MAPDA: variants seen among roughly 807,000 people sequenced by gnomAD.
MAPDA encodes N6-Methyl-AMP deaminase.
At chr15:43,353,500 C>T in the MAPDA span, 1 of 152,104 alleles carries the variant, frequency 6.6e-6, no homozygotes, top group Non-Finnish European at 1.5e-5. Context: ...GCATACTGCT[C>T]CTAAAATCCT....
At chr15:43,347,306 G>C in the MAPDA span, among the ~76,000 whole-genome samples, 1 of 152,218 alleles carries the variant, frequency 6.6e-6, no homozygotes, top group Non-Finnish European at 1.5e-5. Context: ...GGGAGTGGCT[G>C]TTGACTCAAA....
the MAPDA span, chr15:43,346,032 G>T: frequency 1.2e-6 from 2 of 1,607,466 alleles, no homozygotes; most frequent in African/African-American, 2.7e-5. Context: ...GAATCAGTGG[G>T]ATAAGGACTA....
the MAPDA span, chr15:43,336,539 T>A: frequency 1.0e-6 from 1 of 980,402 alleles, no homozygotes; most frequent in Admixed American, 3.4e-5. Context: ...TAAATATATA[T>A]TTACTATTAG....
At chr15:43,330,584 C>T in the MAPDA span, 2 of 1,386,366 alleles carry the variant, frequency 1.4e-6, no homozygotes, top group African/African-American at 1.5e-5. Flanking sequence ...GGAAAAAAAC[C>T]ACCCATGCTC....
At chr15:43,352,164 T>C in the MAPDA span, 1 of 396,438 alleles carries the variant, frequency 2.5e-6, no homozygotes, top group Non-Finnish European at 4.4e-6. Flanking sequence ...CTGTTGTTGC[T>C]AATTAAATCC....
At chr15:43,343,661 A>G in the MAPDA span, among the ~76,000 whole-genome samples, 1 of 152,028 alleles carries the variant, frequency 6.6e-6, no homozygotes, top group Non-Finnish European at 1.5e-5. Context: ...CAAGATTAGG[A>G]ATTATCTTGT....
chr15:43,344,879 T>C, the MAPDA span, among the ~76,000 whole-genome samples: 18 of 152,022 alleles, frequency 1.2e-4, no homozygotes, highest in Admixed American at 1.2e-3. Flanking sequence ...CAGCTGATAT[T>C]TGAGGAATGA....
chr15:43,349,218 A>C, the MAPDA span: 2 of 1,415,374 alleles, frequency 1.4e-6, no homozygotes. Flanking sequence ...TTTAGCTTCC[A>C]TTAGAATATA....
chr15:43,351,769 T>C, the MAPDA span: 4 of 1,548,794 alleles, frequency 2.6e-6, no homozygotes, highest in Admixed American at 7.9e-5. Flanking sequence ...TAAGGGTGTT[T>C]TTGCAACACA....
chr15:43,345,033 G>A, the MAPDA span, among the ~76,000 whole-genome samples: 1 of 152,042 alleles, frequency 6.6e-6, no homozygotes, highest in African/African-American at 2.4e-5. Context: ...TCTGCCTCTG[G>A]ACTAGACAGG....
chr15:43,343,138 T>G, the MAPDA span: 1 of 1,164,140 alleles, frequency 8.6e-7, no homozygotes, highest in Non-Finnish European at 1.2e-6. Context: ...TTTACTGTTT[T>G]GATCATGGGT....
the MAPDA span, chr15:43,354,246 CTTTGT>C: frequency 1.3e-5 from 2 of 152,134 alleles, no homozygotes; most frequent in African/African-American, 4.8e-5. Context: ...TCCGCTCAGA[CTTTGT>C]TTTAAGGAAC....
the MAPDA span, chr15:43,335,129 C>T: frequency 3.7e-5 from 60 of 1,613,708 alleles, no homozygotes; most frequent in Non-Finnish European, 4.7e-5. Context: ...AGAAGAGCAA[C>T]AGCCTTGCAA....
the MAPDA span, among the ~76,000 whole-genome samples, chr15:43,337,190 G>A: frequency 1.3e-5 from 2 of 148,858 alleles, no homozygotes; most frequent in Admixed American, 1.4e-4. Flanking sequence ...GTAGGAGAAT[G>A]ATGTGAACCC....
chr15:43,348,479 C>G, the MAPDA span, among the ~76,000 whole-genome samples: 1 of 152,158 alleles, frequency 6.6e-6, no homozygotes, highest in Non-Finnish European at 1.5e-5. Context: ...ATACTATTAA[C>G]AGTTTTGTGT....
the MAPDA span, among the ~76,000 whole-genome samples, chr15:43,340,782 C>A: frequency 1.3e-5 from 2 of 152,190 alleles, no homozygotes; most frequent in East Asian, 3.8e-4. Context: ...AGGCCTGCAG[C>A]AGTTTCTTTT....
the MAPDA span, among the ~76,000 whole-genome samples, chr15:43,337,004 C>T: frequency 1.3e-5 from 2 of 151,904 alleles, no homozygotes; most frequent in Non-Finnish European, 2.9e-5. Flanking sequence ...CGTGGTGGCT[C>T]ACGCCTGTAA....
At chr15:43,337,867 A>G in the MAPDA span, among the ~76,000 whole-genome samples, 2 of 152,208 alleles carry the variant, frequency 1.3e-5, no homozygotes, top group Non-Finnish European at 2.9e-5. Context: ...AGAAATTTAT[A>G]ATTAGGTTGG....
chr15:43,354,516 CTTT>C, the MAPDA span: 1 of 151,894 alleles, frequency 6.6e-6, no homozygotes, highest in Non-Finnish European at 1.5e-5. Flanking sequence ...TTTTATAGTC[CTTT>C]TTTTGTTTAA....
Sources: gnomAD v4.1 joint callset for allele counts (sites outside exome capture counted in the v4.1 genomes callset) on GRCh38, gnomAD v4.1.1 for gene constraint, MANE v1.5 for transcripts, NCBI Gene and HGNC (gene_info 2026-07-23, HGNC 2026-07-21) for gene names.